The following SAMD5 variants were observed in gnomAD, a reference collection of about 807,000 sequenced individuals.
SAMD5 encodes sterile alpha motif domain containing 5, also known as sterile alpha motif domain-containing protein 5.
Under a neutral mutation model 11.3 loss-of-function variants are expected in SAMD5, and 13 were observed. That is an observed-to-expected ratio of 1.15 (90% CI 0.75 to 1.83). The LOEUF (loss-of-function observed/expected upper bound fraction) is 1.83, where lower values mean the gene tolerates loss of function less well. Ranked by LOEUF, SAMD5 falls within the 40% of genes most tolerant of loss-of-function variation. The pLI is 0.00. For missense variants in SAMD5, 255 were observed against 239.1 expected, an observed-to-expected ratio of 1.07 and a Z score of -0.44; for synonymous variants, 129 against 111.3, an observed-to-expected ratio of 1.16 and a Z score of -1.00.
At chr6:147,756,349 A>AATCAAATTATAATTTG in the SAMD5 span, among the ~76,000 whole-genome samples, 1 of 152,160 alleles carries the variant, frequency 6.6e-6, no homozygotes, top group African/African-American at 2.4e-5. Flanking sequence ...TTGGTGTTCA[A>AATCAAATTATAATTTG]ATCAAATTAT....
the SAMD5 span, among the ~76,000 whole-genome samples, chr6:147,785,474 A>G: frequency 2.0e-5 from 3 of 152,168 alleles, no homozygotes; most frequent in South Asian, 6.2e-4. Context: ...GTTCTGTCTA[A>G]TCTCTCAAAG....
chr6:147,831,325 C>T, the SAMD5 span, among the ~76,000 whole-genome samples: 7 of 152,306 alleles, frequency 4.6e-5, no homozygotes, highest in Admixed American at 1.3e-4. Flanking sequence ...GAAAAGTTTT[C>T]GTGGTATATT....
chr6:147,646,971 C>CTAATAA (rs5880722), intron 1 of SAMD5, among the ~76,000 whole-genome samples: 2,330 of 138,038 alleles, frequency 0.017, 43 homozygotes, highest in African/African-American at 0.046. Context: ...AACCTCATCT[C>CTAATAA]TAATAATAAT....
rs541035053 is a variant in SAMD5, at chr6:147,654,580, G to T, written c.163-82737G>T. ...GCCACTACTGTTGCTCCATTTTAGC[G>T]TTTTCAGAGAATGTTTTTTCTTCCT... On this transcript the variant is annotated intron_variant, in intron 1 of 1. Coordinates refer to the SAMD5 transcript ENST00000566741. 3.5e-3 allele frequency among the ~76,000 whole-genome samples: 539 copies of T among 152,006 alleles called. 1 individual carries two copies. The highest frequency in any genetic ancestry group is 0.012 in the African/African-American group (517 of 41,450).
At chr6:147,873,518 G>T in the SAMD5 span, among the ~76,000 whole-genome samples, 647 of 152,140 alleles carry the variant, frequency 4.3e-3, 5 homozygotes, top group African/African-American at 0.014. Flanking sequence ...TATAGAAAGA[G>T]GAAAAAGAGT....
chr6:147,829,270 G>A, the SAMD5 span, among the ~76,000 whole-genome samples: 1 of 152,222 alleles, frequency 6.6e-6, no homozygotes, highest in African/African-American at 2.4e-5. Context: ...TGTTTGCTGT[G>A]TGTGACCTGG....
the SAMD5 span, among the ~76,000 whole-genome samples, chr6:147,756,282 A>G: frequency 0.012 from 1,757 of 152,286 alleles, 33 homozygotes; most frequent in African/African-American, 0.041. Flanking sequence ...AATACGCAGC[A>G]TACACAGAAA....
At chr6:147,828,377 G>T in the SAMD5 span, among the ~76,000 whole-genome samples, 199 of 152,344 alleles carry the variant, frequency 1.3e-3, no homozygotes, top group African/African-American at 3.8e-3. Flanking sequence ...TGGATTGAAG[G>T]ATGCAAAGTA....
At chr6:147,630,781 C>G (rs117047523) in intron 1 of SAMD5, among the ~76,000 whole-genome samples, 3,591 of 152,036 alleles carry the variant, frequency 0.024, 92 homozygotes, top group Admixed American at 0.07. Flanking sequence ...AAATTTGGTG[C>G]TGCCACACTT....
intron 1 of SAMD5, among the ~76,000 whole-genome samples, chr6:147,636,410 C>A (rs1790231538): frequency 6.6e-6 from 1 of 152,118 alleles, no homozygotes; most frequent in Admixed American, 6.5e-5. Flanking sequence ...TATCCCTTAT[C>A]AAAAATTGAG....
the SAMD5 span, among the ~76,000 whole-genome samples, chr6:147,876,520 A>G: frequency 6.6e-6 from 1 of 152,198 alleles, no homozygotes; most frequent in African/African-American, 2.4e-5. Context: ...TGGTTGGTGA[A>G]TGGCACCTCT....
At chr6:147,685,104 C>G (rs896745013) in intron 1 of SAMD5, among the ~76,000 whole-genome samples, 4 of 152,206 alleles carry the variant, frequency 2.6e-5, no homozygotes, top group Admixed American at 2.6e-4. Flanking sequence ...TTGTCATACT[C>G]CTTTCTAAGT....
intron 1 of SAMD5, among the ~76,000 whole-genome samples, chr6:147,687,588 AG>A (rs765423115): frequency 1.3e-5 from 2 of 152,116 alleles, no homozygotes; most frequent in Non-Finnish European, 2.9e-5. Context: ...CCCCTGACTG[AG>A]GAAGAACCAT....
At chr6:147,928,124 G>A in the SAMD5 span, among the ~76,000 whole-genome samples, 1 of 152,094 alleles carries the variant, frequency 6.6e-6, no homozygotes. Flanking sequence ...GGCCTGATGT[G>A]TTCTTTTTTT....
At position 147,654,779 on chromosome 6, in the gene SAMD5, C is replaced by CAA. The variant is rs5880724; in HGVS notation, c.163-82526_163-82525dup. Among the ~76,000 whole-genome samples, 118 of 147,382 alleles carry CAA rather than the reference C, an allele frequency of 8.0e-4. 1 individual carries two copies. Among genetic ancestry groups the CAA allele is most frequent in the African/African-American group, 2.6e-3 (104 of 40,106 alleles). Reference sequence around the variant, plus strand: ...CTGGATGGTTTGACTATCTTTTTCTCAAAAAAAAAAAAATATAAAACAAAG... The same window carrying CAA: ...CTGGATGGTTTGACTATCTTTTTCTCAAAAAAAAAAAAAAATATAAAACAAAG... On this transcript the variant is annotated intron_variant, in intron 1 of 1. Coordinates refer to the SAMD5 transcript ENST00000566741.
the SAMD5 span, among the ~76,000 whole-genome samples, chr6:147,815,927 C>T: frequency 6.6e-6 from 1 of 151,914 alleles, no homozygotes; most frequent in Admixed American, 6.6e-5. Flanking sequence ...AAATGAGCCC[C>T]TTTTGGAATT....
intron 1 of SAMD5, among the ~76,000 whole-genome samples, chr6:147,527,913 A>C (rs972484415): frequency 2.6e-5 from 4 of 152,098 alleles, no homozygotes; most frequent in Admixed American, 1.3e-4. Flanking sequence ...GGCCTGAGGG[A>C]GATTTTACTC....
intron 1 of SAMD5, among the ~76,000 whole-genome samples, chr6:147,722,066 T>C (rs1791559944): frequency 6.6e-6 from 1 of 152,246 alleles, no homozygotes; most frequent in African/African-American, 2.4e-5. Context: ...AGAAAATTTA[T>C]GCCAATATGC....
chr6:147,548,121 A>C (rs1032590285), intron 1 of SAMD5, among the ~76,000 whole-genome samples: 1 of 151,314 alleles, frequency 6.6e-6, no homozygotes, highest in Non-Finnish European at 1.5e-5. Flanking sequence ...ATATAATAAT[A>C]GCCAATTAAG....
Sources: allele counts gnomAD v4.1 joint callset (sites outside exome capture counted in the v4.1 genomes callset), GRCh38; gene constraint gnomAD v4.1.1; transcripts MANE v1.5; gene names NCBI Gene and HGNC (gene_info 2026-07-23, HGNC 2026-07-21).